GTF2F2: variants seen among roughly 807,000 people sequenced by gnomAD.
GTF2F2 encodes general transcription factor IIF subunit 2.
Under a neutral mutation model 42.2 loss-of-function variants are expected in GTF2F2, and 23 were observed. The ratio of observed to expected loss-of-function variants is 0.55; its 90% confidence interval spans 0.39 to 0.77. The LOEUF (loss-of-function observed/expected upper bound fraction) is 0.77. Among genes scored for constraint, GTF2F2 ranks in the 30% least tolerant of loss-of-function variants. The probability of loss-of-function intolerance (pLI) is 0.00; values close to 1 mark genes in which losing one functional copy is unlikely to be tolerated. For synonymous variants in GTF2F2, 105 were observed against 100.8 expected, an observed-to-expected ratio of 1.04 and a Z score of -0.25; for missense variants, 261 against 287.2, an observed-to-expected ratio of 0.91 and a Z score of 0.66.
chr13:45,186,918 C>G (rs953211439), intron 4 of GTF2F2, among the ~76,000 whole-genome samples: 1 of 152,026 alleles, frequency 6.6e-6, no homozygotes, highest in African/African-American at 2.4e-5. Context: ...AAAAGTTGAG[C>G]CTGTTTTTAA....
chr13:45,177,384 A>G (rs1376716252), intron 4 of GTF2F2, among the ~76,000 whole-genome samples: 1 of 152,200 alleles, frequency 6.6e-6, no homozygotes, highest in Non-Finnish European at 1.5e-5. Context: ...GGTCCAAAAA[A>G]TATTAAATGG....
At chr13:45,131,652 T>G (rs571059851) in intron 1 of GTF2F2, among the ~76,000 whole-genome samples, 1 of 152,138 alleles carries the variant, frequency 6.6e-6, no homozygotes, top group African/African-American at 2.4e-5. Flanking sequence ...ATGCCTGTAA[T>G]CCCAGCACCT....
intron 1 of GTF2F2, among the ~76,000 whole-genome samples, chr13:45,133,701 C>T (rs1304965491): frequency 6.6e-6 from 1 of 152,200 alleles, no homozygotes; most frequent in Non-Finnish European, 1.5e-5. Flanking sequence ...TGGCAATGGT[C>T]ATGTGTAATC....
intron 4 of GTF2F2, among the ~76,000 whole-genome samples, chr13:45,162,018 T>A (rs1871064124): frequency 6.6e-6 from 1 of 152,156 alleles, no homozygotes; most frequent in Non-Finnish European, 1.5e-5. Flanking sequence ...GTCTTTGTAT[T>A]TACTATCTTA....
At chr13:45,241,134 C>T (rs1387104002) in intron 5 of GTF2F2, among the ~76,000 whole-genome samples, 2 of 150,360 alleles carry the variant, frequency 1.3e-5, no homozygotes, top group Non-Finnish European at 3.0e-5. Flanking sequence ...CACTCTCCAA[C>T]CTGGGCAACA....
At chr13:45,157,171 A>G (rs1404653996) in intron 4 of GTF2F2, among the ~76,000 whole-genome samples, 2 of 152,168 alleles carry the variant, frequency 1.3e-5, no homozygotes, top group East Asian at 3.9e-4. Context: ...TAAGGCAGAC[A>G]GAGAACAGTA....
intron 5 of GTF2F2, among the ~76,000 whole-genome samples, chr13:45,245,697 A>ATATATATATG (rs1875561059): frequency 1.4e-5 from 1 of 69,462 alleles, no homozygotes; most frequent in Non-Finnish European, 2.6e-5. Context: ...ATATATATAT[A>ATATATATATG]TATACATATA....
chr13:45,233,162 G>A (rs535709513), intron 5 of GTF2F2, among the ~76,000 whole-genome samples: 2 of 152,306 alleles, frequency 1.3e-5, no homozygotes, highest in East Asian at 3.9e-4. Flanking sequence ...CGAGGCTTGA[G>A]CCCAGAAGTT....
At chr13:45,192,716 T>C (rs901634646) in intron 4 of GTF2F2, 5 of 152,210 alleles carry the variant, frequency 3.3e-5, no homozygotes, top group African/African-American at 1.2e-4. Flanking sequence ...TGGCATGAAG[T>C]AATGTTAACT....
intron 2 of GTF2F2, among the ~76,000 whole-genome samples, chr13:45,143,731 A>G (rs1055552953): frequency 1.2e-4 from 19 of 152,268 alleles, no homozygotes; most frequent in African/African-American, 3.1e-4. Context: ...GAGAGGAGGG[A>G]AAAGACGTGC....
At chr13:45,229,121 G>C (rs1874535748) in intron 5 of GTF2F2, among the ~76,000 whole-genome samples, 1 of 152,168 alleles carries the variant, frequency 6.6e-6, no homozygotes, top group Admixed American at 6.5e-5. Context: ...GACCTCAGGT[G>C]ATCTGCCCAC....
Position 45,252,981 on chromosome 13 carries a change from T to C in GTF2F2, c.486+11T>C, listed in dbSNP as rs761151738. 2 of 1,079,160 alleles carry C rather than the reference T, an allele frequency of 1.9e-6. No homozygotes were observed. The highest frequency in any genetic ancestry group is 2.7e-6 in the Non-Finnish European group (2 of 751,088). The allele number at this position is 1,079,160 out of a possible 1,614,324, so 66.8% of individuals were successfully genotyped here. A position where few individuals can be genotyped will look rare whatever the true frequency, so the allele number is the denominator to read the frequency against. On this transcript the variant is annotated intron_variant, in intron 6 of 7. Coordinates refer to ENST00000340473, the MANE Select transcript of GTF2F2 (RefSeq NM_004128.3). Reference sequence around the variant, plus strand: ...AATCATCAATACAATGTAAGTCTTCTGCTTGTCTCTTTTCATTCTTTTATA... The same window carrying C: ...AATCATCAATACAATGTAAGTCTTCCGCTTGTCTCTTTTCATTCTTTTATA...
intron 4 of GTF2F2, among the ~76,000 whole-genome samples, chr13:45,157,029 G>A (rs1398756399): frequency 6.6e-6 from 1 of 152,138 alleles, no homozygotes; most frequent in Non-Finnish European, 1.5e-5. Flanking sequence ...AAATTTTCTG[G>A]GAATAAAGTG....
chr13:45,172,040 T>A (rs978491421), intron 4 of GTF2F2, among the ~76,000 whole-genome samples: 1 of 152,218 alleles, frequency 6.6e-6, no homozygotes, highest in African/African-American at 2.4e-5. Context: ...TTGGCTATTG[T>A]GAATGATGCT....
At chr13:45,191,224 AATATATAT>A (rs1165963910) in intron 4 of GTF2F2, among the ~76,000 whole-genome samples, 4 of 75,346 alleles carry the variant, frequency 5.3e-5, no homozygotes, top group African/African-American at 2.0e-4. Context: ...ACAAAAAAAA[AATATATAT>A]ATATATATAT....
At chr13:45,260,872 A>T (rs1371912801) in intron 6 of GTF2F2, among the ~76,000 whole-genome samples, 1 of 152,138 alleles carries the variant, frequency 6.6e-6, no homozygotes, top group Non-Finnish European at 1.5e-5. Context: ...CTTCAAAAAA[A>T]TTTTAAAAAT....
chr13:45,207,300 C>G lies in GTF2F2; in HGVS notation c.305-124C>G, dbSNP rs74594381. 97 of 628,136 alleles carry G rather than the reference C, an allele frequency of 1.5e-4. No homozygotes were observed. In the South Asian group the frequency reaches 1.6e-3, roughly 10 times the overall value. 38.9% of individuals were successfully genotyped at this position (628,136 alleles called of 1,614,324 possible). On this transcript the variant is annotated intron_variant, in intron 4 of 7. Transcript: ENST00000340473. ...GACCAGTGAGATTCCTGAAACTTAACTATTTTTTCTTGATTTTTGATATTA... is the reference window on the plus strand; with the variant it reads ...GACCAGTGAGATTCCTGAAACTTAAGTATTTTTTCTTGATTTTTGATATTA...
chr13:45,136,182 T>C (rs1328487106), intron 1 of GTF2F2, among the ~76,000 whole-genome samples: 2 of 152,234 alleles, frequency 1.3e-5, no homozygotes, highest in Non-Finnish European at 2.9e-5. Context: ...ACCTGTTCCA[T>C]AGAGATGTGA....
At chr13:45,262,977 T>C (rs1260421335) in intron 6 of GTF2F2, among the ~76,000 whole-genome samples, 1 of 151,958 alleles carries the variant, frequency 6.6e-6, no homozygotes, top group Non-Finnish European at 1.5e-5. Context: ...CCTCCCCCCT[T>C]GGCCTCCCAG....
Sources: gnomAD v4.1 joint callset for allele counts (sites outside exome capture counted in the v4.1 genomes callset) on GRCh38, gnomAD v4.1.1 for gene constraint, MANE v1.5 for transcripts, NCBI Gene and HGNC (gene_info 2026-07-23, HGNC 2026-07-21) for gene names.